Variants in LRP1B observed in about 807,000 individuals in gnomAD.
The protein encoded by LRP1B is LDL receptor related protein 1B, also known as low-density lipoprotein receptor-related protein 1B.
Under a neutral mutation model 556.6 loss-of-function variants are expected in LRP1B, and 217 were observed. That is an observed-to-expected ratio of 0.39 (90% CI 0.35 to 0.44). The LOEUF is 0.44. Among genes scored for constraint, LRP1B ranks in the 20% least tolerant of loss-of-function variants. The probability of loss-of-function intolerance (pLI) is 1.00; values close to 1 mark genes in which losing one functional copy is unlikely to be tolerated. For missense variants in LRP1B, 5,053 were observed against 5,620.8 expected, an observed-to-expected ratio of 0.90 and a Z score of 3.23; for synonymous variants, 2,047 against 1,865.8, an observed-to-expected ratio of 1.10 and a Z score of -2.50.
chr2:141,372,671 AT>A (rs1689273316), intron 3 of LRP1B, among the ~76,000 whole-genome samples: 1 of 152,048 alleles, frequency 6.6e-6, no homozygotes, highest in South Asian at 2.1e-4. Context: ...GAGCATACAG[AT>A]GTTCATAGCA....
At chr2:141,091,166 TAAAG>T (rs1025219415) in intron 7 of LRP1B, among the ~76,000 whole-genome samples, 7 of 151,670 alleles carry the variant, frequency 4.6e-5, no homozygotes, top group Non-Finnish European at 1.0e-4. Context: ...AAAGATCAGA[TAAAG>T]AGAGAGAGAG....
At chr2:141,616,065 C>T (rs778939444) in intron 2 of LRP1B, among the ~76,000 whole-genome samples, 16 of 152,060 alleles carry the variant, frequency 1.1e-4, no homozygotes, top group Admixed American at 3.3e-4. Flanking sequence ...GGGCGGACCA[C>T]GAGGTCAGGA....
chr2:140,690,006 A>G (rs527841787), intron 41 of LRP1B, among the ~76,000 whole-genome samples: 5 of 152,286 alleles, frequency 3.3e-5, no homozygotes, highest in Admixed American at 6.5e-5. Flanking sequence ...CAAAATATAC[A>G]TCATTGACAT....
At chr2:141,735,676 G>A (rs1004050747) in intron 2 of LRP1B, among the ~76,000 whole-genome samples, 7 of 152,068 alleles carry the variant, frequency 4.6e-5, no homozygotes, top group African/African-American at 1.7e-4. Flanking sequence ...CAGTGAGGTA[G>A]AACTTTTTTC....
intron 1 of LRP1B, among the ~76,000 whole-genome samples, chr2:142,070,293 A>G (rs1341789935): frequency 6.6e-6 from 1 of 151,796 alleles, no homozygotes; most frequent in Non-Finnish European, 1.5e-5. Flanking sequence ...GATATCTTAT[A>G]TCCTCTCATT....
chr2:142,111,959 G>A (rs191614773), intron 1 of LRP1B, among the ~76,000 whole-genome samples: 2 of 152,042 alleles, frequency 1.3e-5, no homozygotes, highest in Admixed American at 1.3e-4. Context: ...AGAGGTCACA[G>A]TGCTATATAA....
intron 25 of LRP1B, among the ~76,000 whole-genome samples, chr2:140,869,414 A>G (rs1409223397): frequency 6.6e-6 from 1 of 152,106 alleles, no homozygotes; most frequent in African/African-American, 2.4e-5. Flanking sequence ...AGGGGAATAA[A>G]AAACCCACAA....
chr2:140,718,863 TTC>T (rs1553518394), intron 35 of LRP1B, among the ~76,000 whole-genome samples: 7 of 152,040 alleles, frequency 4.6e-5, no homozygotes, highest in Admixed American at 3.3e-4. Context: ...ATATTTTTTT[TTC>T]TTTTTGTCTT....
chr2:141,700,612 T>C (rs1010516739), intron 2 of LRP1B, among the ~76,000 whole-genome samples: 2 of 151,922 alleles, frequency 1.3e-5, no homozygotes, highest in Middle Eastern at 3.4e-3. Context: ...TCTCCTGCGC[T>C]ATTTCTCAGT....
At chr2:141,762,153 A>C (rs920667914) in intron 2 of LRP1B, among the ~76,000 whole-genome samples, 1 of 152,180 alleles carries the variant, frequency 6.6e-6, no homozygotes, top group Non-Finnish European at 1.5e-5. Flanking sequence ...CTATGAGAGA[A>C]AAAAGTAGGA....
At chr2:141,333,919 A>G (rs2714191) in intron 3 of LRP1B, among the ~76,000 whole-genome samples, 88,238 of 151,932 alleles carry the variant, frequency 0.58, 26,552 homozygotes, top group African/African-American at 0.68. Context: ...TATGCAGGGG[A>G]TTAAAATGAT....
chr2:140,702,983 AT>A (rs1432239562), intron 37 of LRP1B, among the ~76,000 whole-genome samples: 1 of 152,088 alleles, frequency 6.6e-6, no homozygotes, highest in East Asian at 1.9e-4. Context: ...TATTATAAAT[AT>A]TTTTTGCCCC....
chr2:140,416,541 A>G (rs146995292), intron 66 of LRP1B, among the ~76,000 whole-genome samples: 1 of 152,218 alleles, frequency 6.6e-6, no homozygotes, highest in Non-Finnish European at 1.5e-5. Flanking sequence ...CTGCAGTCCC[A>G]GTTACTTAGG....
chr2:141,465,543 CT>C (rs71391652), intron 3 of LRP1B, among the ~76,000 whole-genome samples: 55 of 117,280 alleles, frequency 4.7e-4, no homozygotes, highest in African/African-American at 8.4e-4. Flanking sequence ...CACAGCATGA[CT>C]TTTTTTTTTT....
chr2:141,032,654 A>G, intron 11 of LRP1B, among the ~76,000 whole-genome samples: 1 of 151,200 alleles, frequency 6.6e-6, no homozygotes, highest in South Asian at 2.1e-4. Flanking sequence ...GTCCTTTTTA[A>G]TTTTTCTGAT....
At chr2:140,751,426 T>C (rs1419422389) in intron 35 of LRP1B, among the ~76,000 whole-genome samples, 1 of 152,224 alleles carries the variant, frequency 6.6e-6, no homozygotes, top group African/African-American at 2.4e-5. Flanking sequence ...TCAAAATCCT[T>C]GTGATGATCA....
intron 20 of LRP1B, among the ~76,000 whole-genome samples, chr2:140,934,465 C>T (rs1313863207): frequency 6.6e-6 from 1 of 152,134 alleles, no homozygotes; most frequent in Non-Finnish European, 1.5e-5. Context: ...TGCAAACTAT[C>T]TTGGAACTGA....
intron 83 of LRP1B, among the ~76,000 whole-genome samples, chr2:140,314,700 A>C (rs753979767): frequency 3.9e-5 from 6 of 152,106 alleles, no homozygotes; most frequent in Admixed American, 6.6e-5. Context: ...ATCTATAAAC[A>C]CTGAGCCTGT....
intron 32 of LRP1B, among the ~76,000 whole-genome samples, chr2:140,793,964 T>A (rs998862834): frequency 2.6e-5 from 4 of 152,140 alleles, no homozygotes; most frequent in African/African-American, 9.6e-5. Flanking sequence ...GGCCATTTTT[T>A]AAAAACTCTG....
Sources: gnomAD v4.1 joint callset for allele counts (sites outside exome capture counted in the v4.1 genomes callset) on GRCh38, gnomAD v4.1.1 for gene constraint, MANE v1.5 for transcripts, NCBI Gene and HGNC (gene_info 2026-07-23, HGNC 2026-07-21) for gene names.